ERP44: variants seen among roughly 807,000 people sequenced by gnomAD.
ERP44 encodes endoplasmic reticulum resident protein 44.
A neutral mutation model predicts 53.4 loss-of-function variants in ERP44; 25 were observed. That is an observed-to-expected ratio of 0.47 (90% CI 0.34 to 0.65). The LOEUF (loss-of-function observed/expected upper bound fraction) is 0.65, where lower values mean the gene tolerates loss of function less well. Among genes scored for constraint, ERP44 ranks in the 30% least tolerant of loss-of-function variants. The pLI, the probability that ERP44 is intolerant of heterozygous loss-of-function variation, is 0.01. For synonymous variants in ERP44, 145 were observed against 161.2 expected (o/e 0.90, Z 0.76); for missense variants, 338 against 493.2 (o/e 0.69, Z 2.98).
intron 4 of ERP44, among the ~76,000 whole-genome samples, chr9:100,034,015 G>C (rs548619497): frequency 1.3e-5 from 2 of 152,242 alleles, no homozygotes; most frequent in Non-Finnish European, 2.9e-5. Flanking sequence ...ACTCAACCAG[G>C]TCAACTCTGT....
intron 4 of ERP44, among the ~76,000 whole-genome samples, chr9:100,025,999 A>G (rs1830647312): frequency 1.3e-5 from 2 of 152,232 alleles, no homozygotes; most frequent in African/African-American, 4.8e-5. Context: ...AACAATGAAG[A>G]CTAAAGGAAC....
intron 10 of ERP44, among the ~76,000 whole-genome samples, chr9:99,999,943 T>C (rs2118622842): frequency 6.6e-6 from 1 of 152,296 alleles, no homozygotes; most frequent in South Asian, 2.1e-4. Flanking sequence ...TTGAAGAGAC[T>C]CTCTTTTCTC....
intron 1 of ERP44, among the ~76,000 whole-genome samples, chr9:100,097,381 C>A (rs1488352352): frequency 6.6e-6 from 1 of 151,812 alleles, no homozygotes; most frequent in Non-Finnish European, 1.5e-5. Context: ...TAAAAGTGCA[C>A]ACAATTCATA....
intron 1 of ERP44, among the ~76,000 whole-genome samples, chr9:100,073,152 A>C (rs1328886212): frequency 6.6e-6 from 1 of 152,234 alleles, no homozygotes; most frequent in African/African-American, 2.4e-5. Flanking sequence ...GTACCCTGTA[A>C]CAAACTCAAA....
intron 2 of ERP44, among the ~76,000 whole-genome samples, chr9:100,059,158 T>C (rs1055656611): frequency 8.5e-5 from 13 of 152,166 alleles, no homozygotes; most frequent in South Asian, 8.3e-4. Context: ...AGGAACATAA[T>C]ATATTACACT....
intron 10 of ERP44, among the ~76,000 whole-genome samples, chr9:100,001,973 G>A (rs535773181): frequency 1.3e-5 from 2 of 151,298 alleles, no homozygotes; most frequent in East Asian, 1.9e-4. Context: ...TTTATCTTTC[G>A]TGTATTTACT....
chr9:99,998,713 A>G lies in ERP44; in HGVS notation c.1016+7793T>C. On this transcript the variant is annotated intron_variant, in intron 10 of 11. Coordinates refer to ENST00000262455, the MANE Select transcript of ERP44 (RefSeq NM_015051.3). ...ACTTCTCTGCAATTTTCTTCGGTTT[A>G]TCTCATTTTTTGCATCTCTTTTCTT... 3 of 723,272 alleles carry G rather than the reference A, an allele frequency of 4.1e-6. No individual in the cohort carries two copies. The South Asian group carries it at 4.7e-5, about 11-fold the overall frequency. 44.8% of individuals were successfully genotyped at this position (723,272 alleles called of 1,614,324 possible). A position where few individuals can be genotyped will look rare whatever the true frequency, so the allele number is the denominator to read the frequency against.
Position 99,980,077 on chromosome 9 carries a change from C to G in ERP44, c.*2535G>C, listed in dbSNP as rs532969828. 1 of 398,490 alleles carries G rather than the reference C, an allele frequency of 2.5e-6. No homozygotes were observed. The highest frequency in any genetic ancestry group is 4.4e-6 in the Non-Finnish European group (1 of 225,996). 24.7% of individuals were successfully genotyped at this position (398,490 alleles called of 1,614,324 possible). A position where few individuals can be genotyped will look rare whatever the true frequency, so the allele number is the denominator to read the frequency against. ...TCAGATTATTCCCTCTCAGCCAGAT[C>G]CCTACCTCCTGAGAACACCTATTCA... On this transcript the variant is annotated 3_prime_UTR_variant, in exon 12 of 12. Coordinates refer to ENST00000262455, the MANE Select transcript of ERP44 (RefSeq NM_015051.3).
chr9:100,027,652 C>T (rs1477352948), intron 4 of ERP44, among the ~76,000 whole-genome samples: 1 of 152,178 alleles, frequency 6.6e-6, no homozygotes, highest in Non-Finnish European at 1.5e-5. Context: ...TATATTTTTG[C>T]TCCAATGGTC....
At chr9:99,997,218 T>A (rs1190725519) in intron 10 of ERP44, among the ~76,000 whole-genome samples, 1 of 152,218 alleles carries the variant, frequency 6.6e-6, no homozygotes, top group Non-Finnish European at 1.5e-5. Flanking sequence ...TAAAGGAATC[T>A]CCACACTGTT....
At chr9:100,005,275 G>C (rs1830415675) in intron 10 of ERP44, among the ~76,000 whole-genome samples, 1 of 152,148 alleles carries the variant, frequency 6.6e-6, no homozygotes. Context: ...GTACTACTCT[G>C]TTGATCTCTG....
rs1368033014 is a variant in ERP44 at position 99,981,693 on chromosome 9, TA to T, written c.*918del. 6.6e-6 allele frequency: 1 copy of T among 152,334 alleles called. No individual in the cohort carries two copies. Among genetic ancestry groups the T allele is most frequent in the Admixed American group, 6.5e-5 (1 of 15,284 alleles). 9.4% of individuals were successfully genotyped at this position (152,334 alleles called of 1,614,324 possible). On this transcript the variant is annotated 3_prime_UTR_variant, in exon 12 of 12. Transcript: ENST00000262455. ...TAACCATTTTATAATGAAAAAAAGTTAAATATGTTCCTTATTCTGTGTTTTT... is the reference window on the plus strand; with the variant it reads ...TAACCATTTTATAATGAAAAAAAGTTAATATGTTCCTTATTCTGTGTTTTT...
At chr9:99,994,000 C>T (rs1178638526) in intron 10 of ERP44, among the ~76,000 whole-genome samples, 1 of 152,144 alleles carries the variant, frequency 6.6e-6, no homozygotes, top group Non-Finnish European at 1.5e-5. Flanking sequence ...AGTCAGGAAA[C>T]AACAGGTGCT....
intron 1 of ERP44, among the ~76,000 whole-genome samples, chr9:100,071,907 G>C (rs902408098): frequency 1.3e-5 from 2 of 152,126 alleles, no homozygotes; most frequent in African/African-American, 4.8e-5. Context: ...GGCAACAAGA[G>C]TGAAACTCTG....
intron 1 of ERP44, among the ~76,000 whole-genome samples, chr9:100,068,830 C>T (rs1029266599): frequency 2.0e-5 from 3 of 151,868 alleles, no homozygotes; most frequent in East Asian, 1.9e-4. Flanking sequence ...ATGACAATGG[C>T]GTTTTTGTGG....
At chr9:100,042,550 A>G (rs1056456105) in intron 4 of ERP44, among the ~76,000 whole-genome samples, 5 of 152,214 alleles carry the variant, frequency 3.3e-5, no homozygotes, top group Admixed American at 2.6e-4. Flanking sequence ...CCATGATCCC[A>G]ATGCTAGGTA....
At chr9:100,067,406 T>C (rs1406424495) in intron 1 of ERP44, among the ~76,000 whole-genome samples, 1 of 152,260 alleles carries the variant, frequency 6.6e-6, no homozygotes, top group Admixed American at 6.5e-5. Context: ...TTGGCCGGGC[T>C]GGTCTCCAGC....
intron 8 of ERP44, among the ~76,000 whole-genome samples, chr9:100,009,250 A>G (rs1830448302): frequency 6.6e-6 from 1 of 151,604 alleles, no homozygotes. Flanking sequence ...TAGCTGGGAC[A>G]ACAAGTGCAC....
In ERP44 at chr9:99,994,697, ACT is replaced by A. The variant is rs765155798; in HGVS notation, c.1017-9630_1017-9629del. Reference sequence around the variant, plus strand: ...ACCATACTTGTATGTCTATTTCTAGACTCTCTCTCTTCCATGGCTCTATGTAC... The same window carrying A: ...ACCATACTTGTATGTCTATTTCTAGACTCTCTCTTCCATGGCTCTATGTAC... On this transcript the variant is annotated intron_variant, in intron 10 of 11. Transcript: ENST00000262455. 4.5e-4 allele frequency among the ~76,000 whole-genome samples: 69 copies of A among 151,720 alleles called. 1 individual carries two copies. Among genetic ancestry groups the A allele is most frequent in the Admixed American group, 2.2e-3 (33 of 15,218 alleles).
Sources: gnomAD v4.1 joint callset for allele counts (sites outside exome capture counted in the v4.1 genomes callset) on GRCh38, gnomAD v4.1.1 for gene constraint, MANE v1.5 for transcripts, NCBI Gene and HGNC (gene_info 2026-07-23, HGNC 2026-07-21) for gene names.